Variants in TENM3 observed in about 807,000 individuals in gnomAD.
TENM3 encodes the protein teneurin-3.
TENM3 carries 63 observed loss-of-function variants against 255.1 expected under a neutral mutation model. That is an observed-to-expected ratio of 0.25 (90% CI 0.20 to 0.30). The LOEUF is 0.30. Among genes scored for constraint, TENM3 ranks in the 10% least tolerant of loss-of-function variants. The pLI is 1.00. For missense variants in TENM3, 2,929 were observed against 3,461.1 expected (o/e 0.85, Z 3.86); for synonymous variants, 1,306 against 1,322.3 (o/e 0.99, Z 0.27).
chr4:182,636,529 A>G (rs6552586), intron 5 of TENM3, among the ~76,000 whole-genome samples: 104,352 of 151,854 alleles, frequency 0.69, 37,074 homozygotes, highest in African/African-American at 0.86. Flanking sequence ...CAGCCTGGCC[A>G]GCACGGTGAA....
the TENM3 span, among the ~76,000 whole-genome samples, chr4:181,768,437 G>A: frequency 6.6e-6 from 1 of 152,130 alleles, no homozygotes; most frequent in Non-Finnish European, 1.5e-5. Flanking sequence ...AAGCAATTCC[G>A]TCTAAAACAT....
chr4:181,770,697 A>AAG, the TENM3 span, among the ~76,000 whole-genome samples: 1 of 139,684 alleles, frequency 7.2e-6, no homozygotes, highest in Admixed American at 7.2e-5. Flanking sequence ...AAAAAAAAAA[A>AAG]GAGTGAGGAA....
chr4:182,224,404 T>A (rs1028325805), intron 1 of TENM3, among the ~76,000 whole-genome samples: 2 of 152,212 alleles, frequency 1.3e-5, no homozygotes, highest in African/African-American at 4.8e-5. Context: ...CAGTTGTTTG[T>A]GTACCTTGTA....
At chr4:181,508,406 T>C in the TENM3 span, among the ~76,000 whole-genome samples, 1 of 152,354 alleles carries the variant, frequency 6.6e-6, no homozygotes, top group Middle Eastern at 3.4e-3. Flanking sequence ...TATTGTCTTT[T>C]TCTGAAGCAA....
the TENM3 span, among the ~76,000 whole-genome samples, chr4:181,726,068 A>G: frequency 1.3e-5 from 2 of 152,164 alleles, no homozygotes; most frequent in African/African-American, 2.4e-5. Context: ...ATTTTTTTCA[A>G]AAGATCTACT....
chr4:181,702,617 T>A, the TENM3 span, among the ~76,000 whole-genome samples: 1 of 152,178 alleles, frequency 6.6e-6, no homozygotes, highest in Non-Finnish European at 1.5e-5. Context: ...TTATTGATTC[T>A]GAAGAAGCAT....
the TENM3 span, among the ~76,000 whole-genome samples, chr4:181,704,537 A>T: frequency 2.0e-5 from 3 of 152,068 alleles, no homozygotes; most frequent in Admixed American, 6.5e-5. Flanking sequence ...GATACAAATT[A>T]TTTTTTTTCA....
At chr4:182,505,554 C>T (rs1191837334) in intron 3 of TENM3, among the ~76,000 whole-genome samples, 1 of 152,122 alleles carries the variant, frequency 6.6e-6, no homozygotes, top group Non-Finnish European at 1.5e-5. Context: ...CCTCAGCTCA[C>T]TGCAACCTCC....
chr4:182,579,128 G>A (rs1411213627), intron 3 of TENM3, among the ~76,000 whole-genome samples: 2 of 152,166 alleles, frequency 1.3e-5, no homozygotes, highest in Non-Finnish European at 2.9e-5. Context: ...TAACATTATG[G>A]ATAAATACAG....
At chr4:182,404,966 T>TAA (rs1769458542) in intron 3 of TENM3, among the ~76,000 whole-genome samples, 1 of 152,200 alleles carries the variant, frequency 6.6e-6, no homozygotes, top group South Asian at 2.1e-4. Flanking sequence ...ATTGTCTTCA[T>TAA]AAACAGTAGA....
At chr4:181,486,502 A>G in the TENM3 span, among the ~76,000 whole-genome samples, 2 of 152,214 alleles carry the variant, frequency 1.3e-5, no homozygotes, top group Non-Finnish European at 2.9e-5. Context: ...AGATATATAA[A>G]AAAGGAGGTC....
the TENM3 span, among the ~76,000 whole-genome samples, chr4:181,500,530 A>T: frequency 6.6e-6 from 1 of 152,190 alleles, no homozygotes; most frequent in Non-Finnish European, 1.5e-5. Flanking sequence ...TGTTCATACA[A>T]TTGAGATGCT....
chr4:181,544,405 G>A, the TENM3 span, among the ~76,000 whole-genome samples: 1 of 43,164 alleles, frequency 2.3e-5, no homozygotes, highest in African/African-American at 9.7e-5. Flanking sequence ...TTTCCTTCAG[G>A]ATTAAAAAAA....
Position 182,793,272 on chromosome 4 carries a change from G to A in TENM3, c.6600G>A (p.Arg2200=). The A allele has an allele frequency of 6.2e-7, 1 of 1,613,872 alleles. No homozygotes were observed. Among genetic ancestry groups the A allele is most frequent in the Non-Finnish European group, 8.5e-7 (1 of 1,179,824 alleles). ...RLDEDGFLRQ[R]GTEIFEYSSK... is the part of the protein sequence containing the mutation. ...ATGAAGATGGTTTCCTACGTCAAAG[G>A]GGCACGGAAATCTTTGAATATAGCT... is the stretch of plus-strand genomic sequence containing the variant. Residue 2200 remains arginine (R), a synonymous_variant, in exon 26 of 28, where the codon AGG becomes AGA. Coordinates refer to ENST00000511685, the MANE Select transcript of TENM3 (RefSeq NM_001080477.4). This position sits in a 1 kb window ranked among gnomAD's most constrained non-coding sequence, Gnocchi z 5.7.
chr4:182,767,326 C>G (rs564652001), intron 22 of TENM3, among the ~76,000 whole-genome samples: 1 of 152,136 alleles, frequency 6.6e-6, no homozygotes, highest in Non-Finnish European at 1.5e-5. Flanking sequence ...TCAGGAAGGA[C>G]GATCAAGGAG....
At chr4:181,499,332 T>C in the TENM3 span, among the ~76,000 whole-genome samples, 59 of 152,232 alleles carry the variant, frequency 3.9e-4, no homozygotes, top group Non-Finnish European at 7.6e-4. Context: ...TAATTTGGAA[T>C]GCTTTAGTAG....
chr4:181,887,898 A>G, the TENM3 span, among the ~76,000 whole-genome samples: 1 of 152,218 alleles, frequency 6.6e-6, no homozygotes, highest in African/African-American at 2.4e-5. Context: ...TGGCTATTTC[A>G]TTCCTGCAAT....
chr4:181,603,018 A>C, the TENM3 span, among the ~76,000 whole-genome samples: 18 of 152,292 alleles, frequency 1.2e-4, no homozygotes, highest in African/African-American at 4.3e-4. Context: ...CACTGCAAAT[A>C]TGTGCGGTGC....
At chr4:182,787,316 TC>T (rs1451038302) in intron 24 of TENM3, among the ~76,000 whole-genome samples, 3 of 152,168 alleles carry the variant, frequency 2.0e-5, no homozygotes, top group African/African-American at 7.2e-5. Context: ...TCAGGCTGCT[TC>T]AGGTCTGGAG....
Sources: gnomAD v4.1 joint callset for allele counts (sites outside exome capture counted in the v4.1 genomes callset) on GRCh38, gnomAD v4.1.1 for gene constraint, Gnocchi (gnomAD v3.1) non-coding constraint, MANE v1.5 for transcripts, NCBI Gene and HGNC (gene_info 2026-07-23, HGNC 2026-07-21) for gene names.